Variants in FHAD1 observed in about 807,000 individuals in gnomAD.
The protein encoded by FHAD1 is forkhead associated phosphopeptide binding domain 1.
A neutral mutation model predicts 191.3 loss-of-function variants in FHAD1; 146 were observed. The ratio of observed to expected loss-of-function variants is 0.76; its 90% confidence interval spans 0.67 to 0.88. The LOEUF (loss-of-function observed/expected upper bound fraction) is 0.88. Ranked by LOEUF, FHAD1 falls within the 40% of genes least tolerant of loss-of-function variation. The pLI is 0.00. For missense variants in FHAD1, 1,635 were observed against 1,785.8 expected (o/e 0.92, Z 1.52); for synonymous variants, 616 against 672.3 (o/e 0.92, Z 1.29).
At chr1:15,361,493 CTCAT>C (rs1187142856) in intron 22 of FHAD1, among the ~76,000 whole-genome samples, 1 of 152,100 alleles carries the variant, frequency 6.6e-6, no homozygotes, top group Non-Finnish European at 1.5e-5. Flanking sequence ...CAGGACTTAC[CTCAT>C]TCATTCACTC....
chr1:15,371,834 G>A (rs1399341370), intron 26 of FHAD1, among the ~76,000 whole-genome samples: 1 of 152,222 alleles, frequency 6.6e-6, no homozygotes, highest in Non-Finnish European at 1.5e-5. Context: ...CGCAGGCAGG[G>A]TGGGCTGCCT....
In FHAD1 at chr1:15,289,532, A is replaced by G; in HGVS notation, c.434A>G (p.Gln145Arg). ...FHQGVQPAPM[Q>R]RSWSQAFPRP... ...CAAGGTGTCCAGCCAGCACCGATGC[A>G]AAGGAGCTGGTCCCAGGCCTTTCCC... Residue 145 changes from glutamine to arginine, a missense_variant, in exon 4 of 34, where the codon CAA becomes CGA. By Grantham distance (43) the Gln-to-Arg change is conservative. Coordinates refer to ENST00000688493, the MANE Select transcript of FHAD1 (RefSeq NM_001391957.1). The surrounding 1 kb of genome is among the most constrained non-coding windows in gnomAD (Gnocchi z 4.2). 1 of 1,551,862 alleles carries G rather than the reference A, an allele frequency of 6.4e-7. No homozygotes were observed. The highest frequency in any genetic ancestry group is 8.7e-7 in the Non-Finnish European group (1 of 1,147,040).
At chr1:15,265,573 A>T (rs894060583) in intron 2 of FHAD1, among the ~76,000 whole-genome samples, 1 of 152,184 alleles carries the variant, frequency 6.6e-6, no homozygotes, top group Non-Finnish European at 1.5e-5. Flanking sequence ...CCTGGCTTTG[A>T]TTTCTTAATC....
Position 15,376,250 on chromosome 1 carries a change from C to T in FHAD1, c.3705+520C>T, listed in dbSNP as rs376290961. On this transcript the variant is annotated intron_variant, in intron 28 of 33. Coordinates refer to ENST00000688493, the MANE Select transcript of FHAD1 (RefSeq NM_001391957.1). ...GACTACAGGCACCCGCCACCACACCCGGCTAATTTTTTTGTATTTTTAGTA... is the reference window on the plus strand; with the variant it reads ...GACTACAGGCACCCGCCACCACACCTGGCTAATTTTTTTGTATTTTTAGTA... 3.3e-3 allele frequency among the ~76,000 whole-genome samples: 504 copies of T among 151,930 alleles called. 5 individuals are homozygous for T. The highest frequency in any genetic ancestry group is 0.011 in the African/African-American group (456 of 41,458).
intron 27 of FHAD1, among the ~76,000 whole-genome samples, chr1:15,375,001 G>A (rs1431637594): frequency 6.6e-6 from 1 of 151,866 alleles, no homozygotes; most frequent in Admixed American, 6.6e-5. Context: ...TAGGACTACA[G>A]GAACTAGCCA....
At chr1:15,324,863 T>G (rs908776165) in intron 11 of FHAD1, 2 of 413,730 alleles carry the variant, frequency 4.8e-6, no homozygotes, top group African/African-American at 4.0e-5. Flanking sequence ...CCCAGTGGTG[T>G]TTCTAGCATT....
chr1:15,383,009 C>G lies in FHAD1; in HGVS notation c.4188+816C>G, dbSNP rs1006263510. ...AAATGGGTCCCCCTCCCACCACACA[C>G]ACACACGCGCACGCGCACACACTCT... On this transcript the variant is annotated intron_variant, in intron 31 of 33. Transcript: ENST00000688493. 21 of 449,836 alleles carry G rather than the reference C, an allele frequency of 4.7e-5. 1 individual carries two copies. The highest frequency in any genetic ancestry group is 3.8e-4 in the Middle Eastern group (1 of 2,652). The allele number at this position is 449,836 out of a possible 1,614,324, so 27.9% of individuals were successfully genotyped here. A position where few individuals can be genotyped will look rare whatever the true frequency, so the allele number is the denominator to read the frequency against.
chr1:15,355,971 AAAT>A (rs1464229551), intron 20 of FHAD1, among the ~76,000 whole-genome samples: 1 of 152,066 alleles, frequency 6.6e-6, no homozygotes, highest in Non-Finnish European at 1.5e-5. Flanking sequence ...ACTCCAAAGA[AAAT>A]AATAACTAAC....
intron 15 of FHAD1, among the ~76,000 whole-genome samples, chr1:15,341,285 T>C (rs1436920910): frequency 6.6e-6 from 1 of 152,238 alleles, no homozygotes; most frequent in Non-Finnish European, 1.5e-5. Flanking sequence ...GTCTAGTCCC[T>C]TCTCCTTATT....
intron 8 of FHAD1, among the ~76,000 whole-genome samples, chr1:15,314,095 AATAAT>A (rs1381818289): frequency 1.0e-5 from 1 of 97,130 alleles, no homozygotes; most frequent in African/African-American, 3.3e-5. Flanking sequence ...TAATAATAAT[AATAAT>A]AACTATTTGC....
intron 4 of FHAD1, among the ~76,000 whole-genome samples, chr1:15,292,774 C>T (rs980976369): frequency 6.6e-6 from 1 of 152,056 alleles, no homozygotes; most frequent in Non-Finnish European, 1.5e-5. Context: ...CCGGCCAACA[C>T]CTTGATCTTT....
intron 14 of FHAD1, chr1:15,334,547 T>G (rs1574470286): frequency 6.6e-6 from 1 of 152,360 alleles, no homozygotes; most frequent in East Asian, 1.9e-4. Flanking sequence ...GGCAGTTACG[T>G]GACGTGGCTG....
At chr1:15,264,548 A>ATGTG (rs71572146) in intron 2 of FHAD1, among the ~76,000 whole-genome samples, 4,757 of 147,326 alleles carry the variant, frequency 0.032, 108 homozygotes, top group South Asian at 0.12. Flanking sequence ...ATATGTATAT[A>ATGTG]TGTGTGTGTG....
chr1:15,383,768 C>T (rs1293070817), intron 31 of FHAD1: 2 of 347,872 alleles, frequency 5.7e-6, no homozygotes, highest in East Asian at 8.1e-5. Flanking sequence ...ATTAATGCCT[C>T]TAATAGCCCT....
chr1:15,380,663 A>C, intron 28 of FHAD1, 38 bp from the exon 29 acceptor site: 1 of 1,472,490 alleles, frequency 6.8e-7, no homozygotes, highest in Non-Finnish European at 9.3e-7. Flanking sequence ...GTCATAATGG[A>C]ATGTCAAGAG....
At position 15,327,083 on chromosome 1, in the gene FHAD1, A is replaced by G. The variant is rs1009678006; in HGVS notation, c.1498A>G (p.Ile500Val). ...GQLEHFRSQV[I>V]KATYGRAKPF... ...GCTGGAGCACTTCAGAAGTCAAGTCATCAAGGCCACCTATGGACGGGCGAA... is the reference window on the plus strand; with the variant it reads ...GCTGGAGCACTTCAGAAGTCAAGTCGTCAAGGCCACCTATGGACGGGCGAA... The change falls in exon 12 of 34, where the codon ATC becomes GTC. Residue 500 changes from isoleucine (I) to valine (V), a missense_variant. Ile to Val is a conservative substitution (Grantham distance 29). Coordinates refer to ENST00000688493, the MANE Select transcript of FHAD1 (RefSeq NM_001391957.1). This position sits in a 1 kb window ranked among gnomAD's most constrained non-coding sequence, Gnocchi z 5.1. 2.6e-6 allele frequency: 4 copies of G among 1,551,004 alleles called. No homozygotes were observed. Among genetic ancestry groups the G allele is most frequent in the Non-Finnish European group, 3.5e-6 (4 of 1,146,840 alleles).
chr1:15,326,038 C>G (rs1328945374), intron 11 of FHAD1: 1 of 152,322 alleles, frequency 6.6e-6, no homozygotes, highest in Non-Finnish European at 1.5e-5. Context: ...CTGGGACCCT[C>G]CACTTGGCCA....
At chr1:15,281,810 T>C (rs938333421) in intron 3 of FHAD1, among the ~76,000 whole-genome samples, 1 of 150,702 alleles carries the variant, frequency 6.6e-6, no homozygotes, top group Non-Finnish European at 1.5e-5. Flanking sequence ...GGGGCATTGA[T>C]TAAGACTCAG....
rs972459169 is a variant in FHAD1 at position 15,238,033 on chromosome 1, G to A, written c.-15+1272G>A. 3.3e-5 allele frequency among the ~76,000 whole-genome samples: 5 copies of A among 151,978 alleles called. No homozygotes were observed. In the East Asian group the frequency reaches 5.8e-4, roughly 18 times the overall value. ...TGGGAGGCTGACATGGGCAGATCAC[G>A]ACGTCAGGAGTCCGAGACCAGCCTG... On this transcript the variant is annotated intron_variant, in intron 1 of 33. Transcript: ENST00000683790.
Sources: gnomAD v4.1 joint callset for allele counts (sites outside exome capture counted in the v4.1 genomes callset) on GRCh38, gnomAD v4.1.1 for gene constraint, Gnocchi (gnomAD v3.1) non-coding constraint, MANE v1.5 for transcripts, NCBI Gene and HGNC (gene_info 2026-07-23, HGNC 2026-07-21) for gene names.